Variants in SGK1 observed in about 807,000 individuals in gnomAD.
The protein encoded by SGK1 is serine/threonine-protein kinase Sgk1.
A neutral mutation model predicts 64.2 loss-of-function variants in SGK1; 26 were observed. The observed-to-expected ratio is 0.40, with a 90% confidence interval of 0.30 to 0.56. The LOEUF (loss-of-function observed/expected upper bound fraction) is 0.56. Among genes scored for constraint, SGK1 ranks in the 20% least tolerant of loss-of-function variants. SGK1 has a pLI of 0.38. For synonymous variants in SGK1, 265 were observed against 239.7 expected (o/e 1.11, Z -0.98); for missense variants, 519 against 645.6 (o/e 0.80, Z 2.12).
chr6:134,274,302 C>A (rs1220271162), intron 1 of SGK1, among the ~76,000 whole-genome samples: 1 of 152,074 alleles, frequency 6.6e-6, no homozygotes, highest in Admixed American at 6.6e-5. Flanking sequence ...CCGTGCCCAG[C>A]CTCAAATGTG....
intron 5 of SGK1, 80 bp downstream of exon 5, chr6:134,173,925 T>G: frequency 2.2e-6 from 2 of 927,450 alleles, no homozygotes; most frequent in Non-Finnish European, 3.4e-6. Flanking sequence ...CTAGAAATGC[T>G]ATTTTAATCC....
intron 1 of SGK1, among the ~76,000 whole-genome samples, chr6:134,305,437 G>T (rs868516330): frequency 1.3e-5 from 2 of 151,302 alleles, no homozygotes; most frequent in African/African-American, 4.9e-5. Context: ...GCCCAGCGTG[G>T]TGGTGTGTGT....
At chr6:134,310,958 G>A (rs780983360) in intron 1 of SGK1, among the ~76,000 whole-genome samples, 10 of 152,134 alleles carry the variant, frequency 6.6e-5, no homozygotes, top group South Asian at 2.1e-4. Context: ...TCACTGCTAC[G>A]TCTGTCTTGT....
intron 1 of SGK1, among the ~76,000 whole-genome samples, chr6:134,300,343 C>G (rs1160143058): frequency 6.6e-6 from 1 of 151,696 alleles, no homozygotes; most frequent in African/African-American, 2.4e-5. Context: ...TTAAGACCAT[C>G]CTGGCTAACA....
At chr6:134,199,281 C>T (rs560334352) in intron 3 of SGK1, among the ~76,000 whole-genome samples, 6 of 151,980 alleles carry the variant, frequency 3.9e-5, no homozygotes, top group South Asian at 2.1e-4. Flanking sequence ...TATGCTGGCC[C>T]GGCATGGTGG....
At chr6:134,206,912 G>C (rs533795558) in intron 3 of SGK1, among the ~76,000 whole-genome samples, 1 of 144,276 alleles carries the variant, frequency 6.9e-6, no homozygotes, top group African/African-American at 2.5e-5. Flanking sequence ...CAGTGTATTC[G>C]AGTGTTGGGT....
At chr6:134,301,733 G>A (rs1777461390) in intron 1 of SGK1, among the ~76,000 whole-genome samples, 1 of 152,220 alleles carries the variant, frequency 6.6e-6, no homozygotes, top group East Asian at 1.9e-4. Flanking sequence ...TGGGAATACA[G>A]GCATGTGCCA....
chr6:134,297,577 A>G (rs1777379402), intron 1 of SGK1: 2 of 493,094 alleles, frequency 4.1e-6, no homozygotes, highest in Non-Finnish European at 7.8e-6. Flanking sequence ...ATCTCGGCTC[A>G]CTGCAAGCTC....
chr6:134,255,574 AT>A (rs11318242), intron 2 of SGK1, among the ~76,000 whole-genome samples: 29,809 of 78,728 alleles, frequency 0.38, 3,672 homozygotes, highest in Middle Eastern at 0.45. Context: ...AGAGATTTTG[AT>A]TTTTTTTTTT....
intron 2 of SGK1, among the ~76,000 whole-genome samples, chr6:134,216,372 C>A (rs912873443): frequency 6.6e-6 from 1 of 152,162 alleles, no homozygotes; most frequent in Non-Finnish European, 1.5e-5. Context: ...AATACTTTAT[C>A]TCTAGGGAAG....
At chr6:134,226,230 C>A (rs773431289) in intron 2 of SGK1, among the ~76,000 whole-genome samples, 30 of 152,088 alleles carry the variant, frequency 2.0e-4, no homozygotes, top group Non-Finnish European at 3.8e-4. Context: ...AACTCCTATA[C>A]CCCAACCAAA....
At chr6:134,275,183 A>G (rs745487594) in intron 1 of SGK1, among the ~76,000 whole-genome samples, 3 of 152,090 alleles carry the variant, frequency 2.0e-5, no homozygotes, top group Non-Finnish European at 4.4e-5. Flanking sequence ...AAATAAGTAA[A>G]TAAAATAAAA....
chr6:134,246,309 T>C (rs373801358), intron 2 of SGK1, among the ~76,000 whole-genome samples: 4 of 147,438 alleles, frequency 2.7e-5, no homozygotes, highest in Non-Finnish European at 5.9e-5. Flanking sequence ...CCACCCCGCC[T>C]GGCTAATTTT....
intron 2 of SGK1, among the ~76,000 whole-genome samples, chr6:134,228,278 G>A (rs1776219765): frequency 6.6e-6 from 1 of 152,086 alleles, no homozygotes. Flanking sequence ...GATAGCATCA[G>A]TATTTGCTTT....
chr6:134,198,961 C>T (rs1314214407), intron 3 of SGK1, among the ~76,000 whole-genome samples: 1 of 152,158 alleles, frequency 6.6e-6, no homozygotes. Context: ...TCATGGCTCA[C>T]CGCAGCCTCC....
At chr6:134,213,380 G>T (rs1775923091) in intron 2 of SGK1, among the ~76,000 whole-genome samples, 1 of 151,898 alleles carries the variant, frequency 6.6e-6, no homozygotes, top group Non-Finnish European at 1.5e-5. Context: ...AATTAGCCGG[G>T]TGTGGTGGCG....
chr6:134,297,581 C>A, intron 1 of SGK1: 1 of 488,988 alleles, frequency 2.0e-6, no homozygotes, highest in South Asian at 1.6e-5. Context: ...CGGCTCACTG[C>A]AAGCTCCGCC....
intron 4 of SGK1, 96 bp from the exon 5 acceptor site, chr6:134,174,176 G>A (rs1775132767): frequency 2.4e-6 from 2 of 842,022 alleles, no homozygotes; most frequent in Non-Finnish European, 1.9e-6. Flanking sequence ...ACTTCTACCC[G>A]GATAATTCAC....
intron 2 of SGK1, among the ~76,000 whole-genome samples, chr6:134,241,129 A>C (rs567929453): frequency 2.1e-5 from 3 of 146,084 alleles, no homozygotes; most frequent in Non-Finnish European, 4.4e-5. Context: ...GGCTCACTGC[A>C]GTCTCAGACT....
Sources: allele counts gnomAD v4.1 joint callset (sites outside exome capture counted in the v4.1 genomes callset), GRCh38; gene constraint gnomAD v4.1.1; transcripts MANE v1.5; gene names NCBI Gene and HGNC (gene_info 2026-07-23, HGNC 2026-07-21).